Variants in NYNRIN observed in about 807,000 individuals in gnomAD.
The protein encoded by NYNRIN is NYN domain and retroviral integrase containing.
In NYNRIN, 86 loss-of-function variants were observed where a neutral mutation model predicts 146.6. That is an observed-to-expected ratio of 0.59 (90% confidence interval 0.49 to 0.70). The LOEUF (loss-of-function observed/expected upper bound fraction) is 0.70, where lower values mean the gene tolerates loss of function less well. NYNRIN is among the 30% of genes least tolerant of loss of function. NYNRIN has a pLI of 0.00. For missense variants in NYNRIN, 2,191 were observed against 2,377.7 expected (o/e 0.92, Z 1.63); for synonymous variants, 1,027 against 1,001.3 (o/e 1.03, Z -0.48).
rs1458477475 is a variant in NYNRIN, at chr14:24,415,771, T to C, written c.4022T>C (p.Leu1341Pro). ...TCGCCCACCAGCCCCCCTGTCTCCCTTTCCTTCTCCTGCTCCCCTTACACG... is the reference window on the plus strand; with the variant it reads ...TCGCCCACCAGCCCCCCTGTCTCCCCTTCCTTCTCCTGCTCCCCTTACACG... ...VLSPTSPPVS[L>P]SFSCSPYTPT... Residue 1341 changes from leucine (L) to proline (P), a missense_variant, in exon 9 of 9, where the codon CTT becomes CCT. This residue lies in a region of NYNRIN where 1,291 missense variants were observed against 1,417.0 expected (regional missense o/e 0.91). Coordinates refer to ENST00000382554, the MANE Select transcript of NYNRIN (RefSeq NM_025081.3). The C allele has an allele frequency of 1.9e-6, 3 of 1,613,878 alleles. No individual in the cohort carries two copies. The highest frequency in any genetic ancestry group is 2.5e-6 in the Non-Finnish European group (3 of 1,179,886).
intron 6 of NYNRIN, among the ~76,000 whole-genome samples, chr14:24,412,344 A>G (rs1219644571): frequency 2.0e-5 from 3 of 152,212 alleles, no homozygotes; most frequent in South Asian, 4.1e-4. Context: ...GGAAAGTTTC[A>G]GGGACTACTG....
Position 24,414,958 on chromosome 14 carries a change from A to G in NYNRIN, c.3209A>G (p.Asp1070Gly), listed in dbSNP as rs1247304389. ...AASPYLGIPW[D>G]GKAPCQQVLA... ...TCTCCCTACCTGGGCATCCCCTGGG[A>G]TGGAAAGGCTCCCTGCCAGCAGGTT... is the stretch of plus-strand genomic sequence containing the variant. The change falls in exon 9 of 9, where the codon GAT (aspartate) becomes GGT (glycine). Residue 1070 changes from aspartate to glycine, a missense_variant. Around this residue, in one of 3 missense-constraint regions of NYNRIN, gnomAD observed 1,291 missense variants for 1,417.0 expected, o/e 0.91. Transcript: ENST00000382554. 1 of 1,595,524 alleles carries G rather than the reference A, an allele frequency of 6.3e-7. No individual in the cohort carries two copies.
Position 24,399,099 on chromosome 14 carries a change from G to A in NYNRIN, c.-18+13G>A, listed in dbSNP as rs928154414. On this transcript the variant is annotated intron_variant, in intron 1 of 8. Coordinates refer to ENST00000382554, the MANE Select transcript of NYNRIN (RefSeq NM_025081.3). The stretch of plus-strand genomic sequence containing the variant: ...CGAGCCGTGCGGGGTGGGTCCCGCC[G>A]CCTGGAGGAAGGAGGCCGTGCGGGG... The A allele has an allele frequency of 1.5e-5, 11 of 719,126 alleles. No individual in the cohort carries two copies. The highest frequency in any genetic ancestry group is 5.7e-5 in the African/African-American group (3 of 52,772). 44.5% of individuals were successfully genotyped at this position (719,126 alleles called of 1,614,324 possible).
At chr14:24,412,727 C>T (rs1158002465) in intron 6 of NYNRIN, 2 of 337,238 alleles carry the variant, frequency 5.9e-6, no homozygotes, top group African/African-American at 4.4e-5. Flanking sequence ...TATGTATGTG[C>T]CTATGCGTAT....
Position 24,408,433 on chromosome 14 carries a change from C to T in NYNRIN, c.763C>T (p.Pro255Ser). ...CATGGGGACCCTCCAGAACAGGGGCCCAGAAAATTCAAAGAGATTATCTAG... is the reference window on the plus strand; with the variant it reads ...CATGGGGACCCTCCAGAACAGGGGCTCAGAAAATTCAAAGAGATTATCTAG... ...VDMGTLQNRG[P>S]ENSKRLSSLG... is the part of the protein sequence containing the mutation. Residue 255 changes from proline (P) to serine (S), a missense_variant, in exon 3 of 9, where the codon CCA (proline) becomes TCA (serine). Around this residue, in one of 3 missense-constraint regions of NYNRIN, gnomAD observed 895 missense variants for 941.2 expected, o/e 0.95. Coordinates refer to ENST00000382554, the MANE Select transcript of NYNRIN (RefSeq NM_025081.3). The T allele has an allele frequency of 1.2e-6, 2 of 1,613,052 alleles. No individual in the cohort carries two copies. The highest frequency in any genetic ancestry group is 1.1e-5 in the South Asian group (1 of 91,020).
At chr14:24,410,799 G>A (rs1253901273) in intron 4 of NYNRIN, among the ~76,000 whole-genome samples, 2 of 152,226 alleles carry the variant, frequency 1.3e-5, no homozygotes, top group Non-Finnish European at 1.5e-5. Context: ...AGCTCTCTGA[G>A]TGGAGGGGCT....
chr14:24,407,318 C>G (rs2042880540), intron 2 of NYNRIN, among the ~76,000 whole-genome samples: 1 of 152,202 alleles, frequency 6.6e-6, no homozygotes, highest in African/African-American at 2.4e-5. Context: ...CCCAATGAGG[C>G]AGGAACTATT....
intron 2 of NYNRIN, among the ~76,000 whole-genome samples, chr14:24,403,816 T>C (rs1345009506): frequency 1.3e-5 from 2 of 152,224 alleles, no homozygotes; most frequent in East Asian, 3.8e-4. Flanking sequence ...AATGCTGAGG[T>C]TGCATGTCCA....
In NYNRIN at chr14:24,411,021, G is replaced by T; in HGVS notation, c.2415-55G>T. 1 of 1,607,716 alleles carries T rather than the reference G, an allele frequency of 6.2e-7. No individual in the cohort carries two copies. The highest frequency in any genetic ancestry group is 8.5e-7 in the Non-Finnish European group (1 of 1,177,082). Reference sequence around the variant, plus strand: ...ATTGCTTGCTTGCTGCCCCAGGGCTGGCTCTGAGGGAGGAGTGGTGAGGCA... The same window carrying T: ...ATTGCTTGCTTGCTGCCCCAGGGCTTGCTCTGAGGGAGGAGTGGTGAGGCA... On this transcript the variant is annotated intron_variant, in intron 4 of 8. Transcript: ENST00000382554. This position sits in a 1 kb window ranked among gnomAD's most constrained non-coding sequence, Gnocchi z 4.3.
chr14:24,409,914 C>T lies in NYNRIN; in HGVS notation c.2120C>T (p.Ser707Leu). 6.2e-7 allele frequency: 1 copy of T among 1,613,692 alleles called. No individual in the cohort carries two copies. The highest frequency in any genetic ancestry group is 8.5e-7 in the Non-Finnish European group (1 of 1,179,758). ...CTTCTGAGTGAGGTCCAGCCTACAT[C>T]AAGGGCTAGTGTCTCCTTACTGAAG... Reference protein sequence around the residue: ...ARLLSEVQPTSRASVSLLKGQ... With the variant: ...ARLLSEVQPTLRASVSLLKGQ... Residue 707 changes from serine (S) to leucine (L), a missense_variant, in exon 4 of 9, where the codon TCA becomes TTA. Physicochemically the swap from Ser to Leu is moderately radical, Grantham distance 145. Coordinates refer to ENST00000382554, the MANE Select transcript of NYNRIN (RefSeq NM_025081.3).
In NYNRIN at chr14:24,408,878, G is replaced by A; in HGVS notation, c.1084G>A (p.Gly362Arg). Residue 362 changes from glycine to arginine, a missense_variant, in exon 4 of 9, where the codon GGG (glycine) becomes AGG (arginine). Gly to Arg is a moderately radical substitution (Grantham distance 125). Coordinates refer to ENST00000382554, the MANE Select transcript of NYNRIN (RefSeq NM_025081.3). ...GCCAGCCTTTGGGCCATTGTGGCCGGGGGCTATTGCTGCAACCTTCTGGAG... is the reference window on the plus strand; with the variant it reads ...GCCAGCCTTTGGGCCATTGTGGCCGAGGGCTATTGCTGCAACCTTCTGGAG... ...PGPAFGPLWP[G>R]AIAATFWRIN... 2 of 1,614,036 alleles carry A rather than the reference G, an allele frequency of 1.2e-6. No individual in the cohort carries two copies. The highest frequency in any genetic ancestry group is 1.7e-6 in the Non-Finnish European group (2 of 1,179,890).
chr14:24,408,450 A>G lies in NYNRIN; in HGVS notation c.780A>G (p.Arg260=). 1 of 1,612,536 alleles carries G rather than the reference A, an allele frequency of 6.2e-7. No individual in the cohort carries two copies. Among genetic ancestry groups the G allele is most frequent in the Non-Finnish European group, 8.5e-7 (1 of 1,179,288 alleles). ...ACAGGGGCCCAGAAAATTCAAAGAG[A>G]TTATCTAGCCTGGGAGCCACTGGGT... ...LQNRGPENSK[R]LSSLGATGSL... is the part of the protein sequence containing the mutation. Residue 260 remains arginine, a synonymous_variant, in exon 3 of 9, where the codon AGA becomes AGG. Coordinates refer to ENST00000382554, the MANE Select transcript of NYNRIN (RefSeq NM_025081.3).
At position 24,410,080 on chromosome 14, in the gene NYNRIN, C is replaced by T. The variant is rs2042902558; in HGVS notation, c.2286C>T (p.Asn762=). The T allele has an allele frequency of 6.2e-7, 1 of 1,614,008 alleles. No individual in the cohort carries two copies. Among genetic ancestry groups the T allele is most frequent in the Admixed American group, 1.7e-5 (1 of 60,036 alleles). ...AGCCACCTCGCCACCTGCAAGCGAA[C>T]AGCACAGTGACCAGCTTCCAGAGGT... ...PRQPPRHLQA[N]STVTSFQRYH... The change falls in exon 4 of 9, where the codon AAC becomes AAT. Residue 762 remains asparagine (N), a synonymous_variant. Transcript: ENST00000382554.
chr14:24,414,620 C>T lies in NYNRIN; in HGVS notation c.2871C>T (p.Phe957=), dbSNP rs575492017. The T allele has an allele frequency of 7.4e-6, 12 of 1,612,958 alleles. No individual in the cohort carries two copies. In the African/African-American group the frequency reaches 1.6e-4, roughly 22 times the overall value. Reference sequence around the variant, plus strand: ...GGTTGGACACTGACATTGGCAACTTCCTGAAGGTGTGGAAGACCCTTCCTC... The same window carrying T: ...GGTTGGACACTGACATTGGCAACTTTCTGAAGGTGTGGAAGACCCTTCCTC... ...PNRLDTDIGN[F]LKVWKTLPPS... Residue 957 remains phenylalanine, a synonymous_variant, in exon 9 of 9, where the codon TTC becomes TTT. Transcript: ENST00000382554.
In NYNRIN at chr14:24,408,178, C is replaced by T. The variant is rs538522298; in HGVS notation, c.508C>T (p.Arg170Cys). ...TRAFGALVWI[R>C]GDQHAGDLLQ... ...GGCCTTTGGGGCCCTGGTCTGGATCCGTGGTGACCAGCATGCAGGGGACCT... is the reference window on the plus strand; with the variant it reads ...GGCCTTTGGGGCCCTGGTCTGGATCTGTGGTGACCAGCATGCAGGGGACCT... The change falls in exon 3 of 9, where the codon CGT becomes TGT. Residue 170 changes from arginine to cysteine, a missense_variant. By Grantham distance (180) the Arg-to-Cys change is radical (BLOSUM62 -3). Coordinates refer to ENST00000382554, the MANE Select transcript of NYNRIN (RefSeq NM_025081.3). 5.6e-6 allele frequency: 9 copies of T among 1,600,628 alleles called. No individual in the cohort carries two copies. Among genetic ancestry groups the T allele is most frequent in the East Asian group, 2.2e-5 (1 of 44,646 alleles).
Position 24,399,379 on chromosome 14 carries a change from C to T in NYNRIN, c.133C>T (p.Arg45Cys). The change falls in exon 2 of 9, where the codon CGC becomes TGC. Residue 45 changes from arginine (R) to cysteine (C), a missense_variant. By Grantham distance (180) the Arg-to-Cys change is radical (BLOSUM62 -3). Transcript: ENST00000382554. ...GGTCAAGCTGAACGCCTTCCAGAGC[C>T]GCCCGGACACCCCCTACTTCTGGCT... ...FRVKLNAFQS[R>C]PDTPYFWLQL... The T allele has an allele frequency of 6.2e-7, 1 of 1,613,820 alleles. No individual in the cohort carries two copies. Among genetic ancestry groups the T allele is most frequent in the Non-Finnish European group, 8.5e-7 (1 of 1,179,808 alleles).
chr14:24,409,496 C>A lies in NYNRIN; in HGVS notation c.1702C>A (p.Pro568Thr). ...PSRTQVPSAA[P>T]KLPTSRMMLA... is the part of the protein sequence containing the mutation. ...CAGAACTCAAGTGCCATCTGCAGCT[C>A]CCAAACTGCCTACATCTCGAATGAT... Residue 568 changes from proline (P) to threonine (T), a missense_variant, in exon 4 of 9, where the codon CCC becomes ACC. Physicochemically the swap from Pro to Thr is conservative, Grantham distance 38 (BLOSUM62 -1). Around this residue, in one of 3 missense-constraint regions of NYNRIN, gnomAD observed 895 missense variants for 941.2 expected, o/e 0.95. Transcript: ENST00000382554. 1 of 1,613,800 alleles carries A rather than the reference C, an allele frequency of 6.2e-7. No homozygotes were observed. The highest frequency in any genetic ancestry group is 8.5e-7 in the Non-Finnish European group (1 of 1,179,802).
chr14:24,406,221 TAAA>T (rs961520265), intron 2 of NYNRIN, among the ~76,000 whole-genome samples: 2 of 149,610 alleles, frequency 1.3e-5, no homozygotes, highest in African/African-American at 4.9e-5. Context: ...TAAAATAAAA[TAAA>T]ATAAAATAAA....
Position 24,416,534 on chromosome 14 carries a change from A to G in NYNRIN, c.4785A>G (p.Ile1595Met). 5 of 1,613,912 alleles carry G rather than the reference A, an allele frequency of 3.1e-6. No homozygotes were observed. The highest frequency in any genetic ancestry group is 4.2e-6 in the Non-Finnish European group (5 of 1,179,872). ...SCLFCIPRNL[I>M]GSELKVIESP... ...TGTTCTGCATCCCCCGAAATCTCATAGGCAGCGAGTTGAAGGTTATTGAGT... is the reference window on the plus strand; with the variant it reads ...TGTTCTGCATCCCCCGAAATCTCATGGGCAGCGAGTTGAAGGTTATTGAGT... The change falls in exon 9 of 9, where the codon ATA (isoleucine) becomes ATG (methionine). Residue 1595 changes from isoleucine (I) to methionine (M), a missense_variant. Physicochemically the swap from Ile to Met is conservative, Grantham distance 10 (BLOSUM62 1). Transcript: ENST00000382554.
Sources: allele counts gnomAD v4.1 joint callset (sites outside exome capture counted in the v4.1 genomes callset), GRCh38; gene constraint gnomAD v4.1.1; regional missense constraint gnomAD v4.1.1; non-coding constraint Gnocchi (gnomAD v3.1); transcripts MANE v1.5; gene names NCBI Gene and HGNC (gene_info 2026-07-23, HGNC 2026-07-21).